The following CTNNA3 variants were observed in gnomAD, a reference collection of about 807,000 sequenced individuals.
CTNNA3 encodes the protein catenin alpha-3.
A neutral mutation model predicts 95.7 loss-of-function variants in CTNNA3; 76 were observed. That is an observed-to-expected ratio of 0.79 (90% CI 0.66 to 0.96). The LOEUF is 0.96. CTNNA3 is among the 40% of genes least tolerant of loss of function. The pLI, the probability that CTNNA3 is intolerant of heterozygous loss-of-function variation, is 0.00. For missense variants in CTNNA3, 1,191 were observed against 1,089.8 expected, an observed-to-expected ratio of 1.09 and a Z score of -1.31; for synonymous variants, 431 against 374.4, an observed-to-expected ratio of 1.15 and a Z score of -1.74.
chr10:66,554,531 T>C (rs1366834615), intron 10 of CTNNA3, among the ~76,000 whole-genome samples: 1 of 152,208 alleles, frequency 6.6e-6, no homozygotes, highest in African/African-American at 2.4e-5. Flanking sequence ...CTCTTTCTTT[T>C]GCATTCCAGT....
intron 5 of CTNNA3, among the ~76,000 whole-genome samples, chr10:67,516,397 T>C (rs1342855487): frequency 6.6e-6 from 1 of 152,186 alleles, no homozygotes; most frequent in East Asian, 1.9e-4. Flanking sequence ...CTATATGCTA[T>C]AGTACAACCA....
At chr10:67,517,652 A>C (rs959517840) in intron 5 of CTNNA3, among the ~76,000 whole-genome samples, 1 of 152,140 alleles carries the variant, frequency 6.6e-6, no homozygotes, top group African/African-American at 2.4e-5. Context: ...AGAACACTGA[A>C]CCTACTTCCC....
chr10:66,666,802 G>GA (rs1215462091), intron 9 of CTNNA3, among the ~76,000 whole-genome samples: 4 of 95,914 alleles, frequency 4.2e-5, no homozygotes, highest in Admixed American at 2.1e-4. Context: ...GGTTCTTGGG[G>GA]AAAAAAAACT....
At chr10:67,598,949 G>GA (rs910924960) in intron 3 of CTNNA3, among the ~76,000 whole-genome samples, 2 of 151,540 alleles carry the variant, frequency 1.3e-5, no homozygotes, top group Non-Finnish European at 2.9e-5. Context: ...TACTCATAAG[G>GA]AAAAAAAATA....
intron 5 of CTNNA3, among the ~76,000 whole-genome samples, chr10:67,409,606 G>T (rs1845289621): frequency 6.6e-6 from 1 of 151,816 alleles, no homozygotes; most frequent in African/African-American, 2.4e-5. Flanking sequence ...GGGGTAGGGG[G>T]AGGGAAAGCA....
At chr10:66,902,197 C>A (rs1589398172) in intron 7 of CTNNA3, among the ~76,000 whole-genome samples, 1 of 152,166 alleles carries the variant, frequency 6.6e-6, no homozygotes, top group Admixed American at 6.5e-5. Context: ...GACCACAGTG[C>A]AATCAAATTA....
chr10:66,116,348 A>G (rs935255688), intron 13 of CTNNA3, among the ~76,000 whole-genome samples: 1 of 152,206 alleles, frequency 6.6e-6, no homozygotes, highest in Non-Finnish European at 1.5e-5. Context: ...AAATATATAC[A>G]CACCATAGAA....
chr10:67,678,281 T>C (rs1253612060), intron 1 of CTNNA3, among the ~76,000 whole-genome samples: 5 of 152,068 alleles, frequency 3.3e-5, no homozygotes, highest in African/African-American at 1.2e-4. Context: ...AAAGAAGTGA[T>C]GGAAAGGCTA....
intron 7 of CTNNA3, among the ~76,000 whole-genome samples, chr10:66,869,476 G>C (rs908623113): frequency 2.0e-5 from 3 of 152,108 alleles, no homozygotes; most frequent in Non-Finnish European, 4.4e-5. Flanking sequence ...AGGAGGCTGA[G>C]ACATGAGAAT....
At chr10:66,297,799 A>G (rs189735238) in intron 12 of CTNNA3, among the ~76,000 whole-genome samples, 12 of 152,346 alleles carry the variant, frequency 7.9e-5, no homozygotes, top group African/African-American at 2.9e-4. Context: ...TGGTGGAGCT[A>G]CTGCGGGTCT....
chr10:66,862,176 T>C (rs1473967823), intron 7 of CTNNA3, among the ~76,000 whole-genome samples: 4 of 152,154 alleles, frequency 2.6e-5, no homozygotes, highest in African/African-American at 9.7e-5. Flanking sequence ...ATCACGCCAC[T>C]GCACTCCAAC....
At chr10:67,380,663 T>C (rs534847903) in intron 5 of CTNNA3, among the ~76,000 whole-genome samples, 2 of 152,266 alleles carry the variant, frequency 1.3e-5, no homozygotes, top group African/African-American at 2.4e-5. Context: ...CATTTGTTAA[T>C]GAGTACTAAG....
At position 67,292,151 on chromosome 10, in the gene CTNNA3, G is replaced by C. The variant is rs1166261969; in HGVS notation, c.580-72281C>G. 2.0e-5 allele frequency among the ~76,000 whole-genome samples: 3 copies of C among 152,300 alleles called. No homozygotes were observed. In the East Asian group the frequency reaches 5.8e-4, roughly 29 times the overall value. ...GCGGGTGGGGGTCTTAAGACCTACAGTAAAACAATGTCAGTTAGATAATTT... is the reference window on the plus strand; with the variant it reads ...GCGGGTGGGGGTCTTAAGACCTACACTAAAACAATGTCAGTTAGATAATTT... On this transcript the variant is annotated intron_variant, in intron 5 of 17. Coordinates refer to ENST00000433211, the MANE Select transcript of CTNNA3 (RefSeq NM_013266.4).
At chr10:66,521,055 A>C (rs1157753261) in intron 10 of CTNNA3, among the ~76,000 whole-genome samples, 5 of 151,512 alleles carry the variant, frequency 3.3e-5, no homozygotes, top group African/African-American at 1.2e-4. Context: ...CATTAAGTGT[A>C]TTAAAATTAG....
At chr10:67,333,629 T>C (rs570178254) in intron 5 of CTNNA3, among the ~76,000 whole-genome samples, 3 of 152,278 alleles carry the variant, frequency 2.0e-5, no homozygotes, top group Non-Finnish European at 4.4e-5. Flanking sequence ...TAAAAAGGCA[T>C]GGAAATTTCA....
rs374733455 is a variant in CTNNA3 at position 66,028,603 on chromosome 10, G to A, written c.2160-39806C>T. Among the ~76,000 whole-genome samples, 783 of 150,312 alleles carry A rather than the reference G, an allele frequency of 5.2e-3. 8 individuals carry two copies. Among genetic ancestry groups the A allele is most frequent in the African/African-American group, 0.018 (760 of 41,092 alleles). On this transcript the variant is annotated intron_variant, in intron 15 of 17. Coordinates refer to ENST00000433211, the MANE Select transcript of CTNNA3 (RefSeq NM_013266.4). ...CACACCAGGGCCTGTTGTGGGGTGG[G>A]GGAAGGGGGGAGGGATAGCATTAGG...
At chr10:67,329,477 A>G (rs937629418) in intron 5 of CTNNA3, among the ~76,000 whole-genome samples, 1 of 152,216 alleles carries the variant, frequency 6.6e-6, no homozygotes, top group Non-Finnish European at 1.5e-5. Context: ...TGATACTTGT[A>G]AGTTGTATTC....
At chr10:66,593,930 T>C (rs1057314136) in intron 10 of CTNNA3, among the ~76,000 whole-genome samples, 2 of 152,110 alleles carry the variant, frequency 1.3e-5, no homozygotes, top group Non-Finnish European at 2.9e-5. Flanking sequence ...CCTCCCTCTA[T>C]GTTATATTAT....
chr10:66,304,626 T>C (rs74540150), intron 12 of CTNNA3, among the ~76,000 whole-genome samples: 10,968 of 152,112 alleles, frequency 0.072, 514 homozygotes, highest in Admixed American at 0.12. Flanking sequence ...AGAAAGCAAG[T>C]TGAAGAGGAT....
Sources: allele counts gnomAD v4.1 joint callset (sites outside exome capture counted in the v4.1 genomes callset), GRCh38; gene constraint gnomAD v4.1.1; transcripts MANE v1.5; gene names NCBI Gene and HGNC (gene_info 2026-07-23, HGNC 2026-07-21).